Variants in HHAT observed in about 807,000 individuals in gnomAD.
HHAT encodes the protein hedgehog acyltransferase, also known as protein-cysteine N-palmitoyltransferase HHAT.
HHAT carries 47 observed loss-of-function variants against 70.8 expected under a neutral mutation model. That is an observed-to-expected ratio of 0.66 (90% CI 0.53 to 0.85). The LOEUF (loss-of-function observed/expected upper bound fraction) is 0.85, where lower values mean the gene tolerates loss of function less well. HHAT is among the 40% of genes least tolerant of loss of function. The pLI is 0.00. For missense variants in HHAT, 609 were observed against 604.8 expected, an observed-to-expected ratio of 1.01 and a Z score of -0.07; for synonymous variants, 228 against 247.6, an observed-to-expected ratio of 0.92 and a Z score of 0.74.
At chr1:210,365,623 T>C (rs181660808) in intron 3 of HHAT, among the ~76,000 whole-genome samples, 46 of 151,216 alleles carry the variant, frequency 3.0e-4, no homozygotes, top group Non-Finnish European at 6.3e-4. Flanking sequence ...TGGCTGACAT[T>C]TTATTTTGTT....
At chr1:210,644,588 G>A (rs1359557360) in intron 11 of HHAT, among the ~76,000 whole-genome samples, 1 of 102,358 alleles carries the variant, frequency 9.8e-6, no homozygotes, top group Non-Finnish European at 1.8e-5. Flanking sequence ...GAGTGACAAA[G>A]CAAGACTCCA....
chr1:210,473,918 G>C (rs189218526), intron 8 of HHAT, among the ~76,000 whole-genome samples: 267 of 152,276 alleles, frequency 1.8e-3, no homozygotes, highest in African/African-American at 3.9e-3. Flanking sequence ...CCCCACCTCA[G>C]TTCTGAGGAC....
At chr1:210,471,465 T>C (rs1003319396) in intron 8 of HHAT, among the ~76,000 whole-genome samples, 2 of 151,892 alleles carry the variant, frequency 1.3e-5, no homozygotes, top group African/African-American at 4.8e-5. Context: ...CAATTCAGAC[T>C]TGGCTAGGAG....
intron 7 of HHAT, among the ~76,000 whole-genome samples, chr1:210,435,787 C>CT (rs1274923263): frequency 1.3e-5 from 2 of 151,594 alleles, no homozygotes; most frequent in Non-Finnish European, 2.9e-5. Context: ...TCTTTTAGAT[C>CT]TTTTGTCCAT....
At chr1:210,350,022 T>G (rs2086876263) in intron 2 of HHAT, among the ~76,000 whole-genome samples, 1 of 152,140 alleles carries the variant, frequency 6.6e-6, no homozygotes, top group Non-Finnish European at 1.5e-5. Context: ...ATATTGAAAA[T>G]GGGAGGTGTC....
chr1:210,504,469 G>C (rs879448959), intron 8 of HHAT, among the ~76,000 whole-genome samples: 2 of 152,196 alleles, frequency 1.3e-5, no homozygotes, highest in African/African-American at 4.8e-5. Flanking sequence ...ATGCTGTTAC[G>C]TGGTAGAGCC....
chr1:210,549,687 G>A (rs938526977), intron 9 of HHAT, among the ~76,000 whole-genome samples: 1 of 145,742 alleles, frequency 6.9e-6, no homozygotes, highest in African/African-American at 2.5e-5. Flanking sequence ...TTACCATATG[G>A]CATTATGATA....
At chr1:210,653,033 T>C (rs780079468) in intron 11 of HHAT, among the ~76,000 whole-genome samples, 2 of 152,162 alleles carry the variant, frequency 1.3e-5, no homozygotes, top group Non-Finnish European at 2.9e-5. Context: ...AAGATTGGAA[T>C]AGACATAAAT....
intron 10 of HHAT, among the ~76,000 whole-genome samples, chr1:210,603,693 G>A (rs1427986514): frequency 1.3e-5 from 2 of 152,174 alleles, no homozygotes; most frequent in Admixed American, 6.6e-5. Context: ...ACGTGTGTGT[G>A]TGCATGCCTA....
At chr1:210,382,750 C>T (rs952228781) in intron 3 of HHAT, among the ~76,000 whole-genome samples, 1 of 152,096 alleles carries the variant, frequency 6.6e-6, no homozygotes, top group Non-Finnish European at 1.5e-5. Context: ...GTGCATGTCA[C>T]TGGGCTGGCT....
At chr1:210,531,290 G>A (rs962593953) in intron 9 of HHAT, among the ~76,000 whole-genome samples, 39 of 152,304 alleles carry the variant, frequency 2.6e-4, no homozygotes, top group African/African-American at 8.2e-4. Flanking sequence ...TATGAACTAT[G>A]GTAATTAAAG....
intron 10 of HHAT, among the ~76,000 whole-genome samples, chr1:210,611,687 C>G (rs560166695): frequency 4.8e-4 from 73 of 152,142 alleles, no homozygotes; most frequent in Non-Finnish European, 6.2e-4. Flanking sequence ...TCTTCAATAC[C>G]TAGTTTATTG....
chr1:210,674,412 G>T lies in HHAT; in HGVS notation c.*33G>T. On this transcript the variant is annotated 3_prime_UTR_variant, in exon 12 of 12. Transcript: ENST00000261458. Reference sequence around the variant, plus strand: ...GGGCCCAGGCCAGTCCTTGTTGCTGGCCTCCAAGGCAAATAGTGCTTCACC... The same window carrying T: ...GGGCCCAGGCCAGTCCTTGTTGCTGTCCTCCAAGGCAAATAGTGCTTCACC... 6.4e-7 allele frequency: 1 copy of T among 1,553,932 alleles called. No homozygotes were observed. The highest frequency in any genetic ancestry group is 8.9e-7 in the Non-Finnish European group (1 of 1,126,220).
chr1:210,571,764 C>G (rs1197863876), intron 9 of HHAT, among the ~76,000 whole-genome samples: 1 of 152,228 alleles, frequency 6.6e-6, no homozygotes, highest in East Asian at 1.9e-4. Context: ...ACATTAATAT[C>G]CAGATCTACA....
intron 10 of HHAT, among the ~76,000 whole-genome samples, chr1:210,617,035 A>C (rs776727499): frequency 6.6e-6 from 1 of 152,270 alleles, no homozygotes; most frequent in Non-Finnish European, 1.5e-5. Flanking sequence ...GAAGAGCCTC[A>C]GCATGTGCTG....
chr1:210,546,872 G>A (rs1003357893), intron 9 of HHAT, among the ~76,000 whole-genome samples: 1 of 152,150 alleles, frequency 6.6e-6, no homozygotes, highest in African/African-American at 2.4e-5. Flanking sequence ...GCCTGGGTGG[G>A]GAAGAATGTG....
chr1:210,525,716 C>A (rs1051219256), intron 9 of HHAT, among the ~76,000 whole-genome samples: 2 of 152,106 alleles, frequency 1.3e-5, no homozygotes, highest in African/African-American at 4.8e-5. Context: ...TTTATCAATA[C>A]AGATGTTCCT....
chr1:210,535,431 TTGTG>T lies in HHAT; in HGVS notation c.1043+22264_1043+22267del, dbSNP rs144319730. On this transcript the variant is annotated intron_variant, in intron 9 of 11. Coordinates refer to ENST00000261458, the MANE Select transcript of HHAT (RefSeq NM_018194.6). ...AAGGGGACTGGGAAACATTGTGTGT[TTGTG>T]TGTGTGTGTGTGTGTGTGTGGGGTA... is the stretch of plus-strand genomic sequence containing the variant. Among the ~76,000 whole-genome samples, 29 of 149,864 alleles carry T rather than the reference TTGTG, an allele frequency of 1.9e-4. No homozygotes were observed. The South Asian group carries it at 3.6e-3, about 19-fold the overall frequency.
At chr1:210,510,348 T>A (rs1446574798) in intron 8 of HHAT, among the ~76,000 whole-genome samples, 1 of 152,148 alleles carries the variant, frequency 6.6e-6, no homozygotes, top group African/African-American at 2.4e-5. Context: ...TTGGCATGAG[T>A]TGGATGAACC....
Sources: gnomAD v4.1 joint callset for allele counts (sites outside exome capture counted in the v4.1 genomes callset) on GRCh38, gnomAD v4.1.1 for gene constraint, MANE v1.5 for transcripts, NCBI Gene and HGNC (gene_info 2026-07-23, HGNC 2026-07-21) for gene names.